DOK6: variants seen among roughly 807,000 people sequenced by gnomAD.
DOK6 encodes the protein docking protein 6, also known as downstream of tyrosine kinase 6.
Under a neutral mutation model 44.0 loss-of-function variants are expected in DOK6, and 22 were observed. The ratio of observed to expected loss-of-function variants is 0.50; its 90% CI spans 0.36 to 0.71. The LOEUF is 0.71. DOK6 is among the 30% of genes least tolerant of loss of function. The pLI is 0.00. For missense variants in DOK6, 340 were observed against 416.4 expected (o/e 0.82, Z 1.60); for synonymous variants, 166 against 145.5 (o/e 1.14, Z -1.01).
chr18:69,461,721 T>G (rs1435643303), intron 1 of DOK6, among the ~76,000 whole-genome samples: 1 of 152,226 alleles, frequency 6.6e-6, no homozygotes, highest in Non-Finnish European at 1.5e-5. Flanking sequence ...CCTCTAGTCA[T>G]AGTCCTATTG....
Position 69,757,804 on chromosome 18 carries a change from C to A in DOK6, c.787C>A (p.Leu263Ile). ...EPMTLSKSIS[L>I]PRSAYWHHIT... Reference sequence around the variant, plus strand: ...AATGACATTATCCAAATCAATATCTCTTCCTCGCAGCGCGTACTGGCATCA... The same window carrying A: ...AATGACATTATCCAAATCAATATCTATTCCTCGCAGCGCGTACTGGCATCA... The change falls in exon 7 of 8, where the codon CTT becomes ATT. Residue 263 changes from leucine (L) to isoleucine (I), a missense_variant. Coordinates refer to ENST00000382713, the MANE Select transcript of DOK6 (RefSeq NM_152721.6). The A allele has an allele frequency of 6.2e-7, 1 of 1,614,164 alleles. No homozygotes were observed.
chr18:69,744,455 TTTC>T (rs1378202828), intron 6 of DOK6, among the ~76,000 whole-genome samples: 8 of 151,900 alleles, frequency 5.3e-5, no homozygotes, highest in East Asian at 1.9e-4. Context: ...TGTGATTTTT[TTTC>T]TTTTTTTACT....
intron 7 of DOK6, among the ~76,000 whole-genome samples, chr18:69,824,190 C>T (rs1221237463): frequency 1.2e-3 from 27 of 22,872 alleles, no homozygotes; most frequent in South Asian, 5.1e-3. Flanking sequence ...TGCTATCCCT[C>T]CCCCCTCCCC....
intron 7 of DOK6, among the ~76,000 whole-genome samples, chr18:69,779,230 T>C (rs1439476728): frequency 1.3e-5 from 2 of 152,154 alleles, no homozygotes; most frequent in Non-Finnish European, 2.9e-5. Flanking sequence ...TTCCCATTTT[T>C]ACCCTCCTTT....
rs146325005 is a variant in DOK6, at chr18:69,837,549, G to A, written c.857-3695G>A. 3.4e-3 allele frequency among the ~76,000 whole-genome samples: 486 copies of A among 144,298 alleles called. 3 individuals carry two copies. The Middle Eastern group carries it at 0.043, about 13-fold the overall frequency. 94.7% of individuals were successfully genotyped at this position (144,298 alleles called of 152,430 possible). On this transcript the variant is annotated intron_variant, in intron 7 of 7. Coordinates refer to ENST00000382713, the MANE Select transcript of DOK6 (RefSeq NM_152721.6). ...GTGAGAGACAGCATGTTGAGATGGT[G>A]GAGAAAGCGCAGGTGTTCAGCAAAA... is the stretch of plus-strand genomic sequence containing the variant.
At chr18:69,471,250 CAAAAAAAAAAAAAAAAAA>C (rs71176969) in intron 1 of DOK6, among the ~76,000 whole-genome samples, 37 of 27,782 alleles carry the variant, frequency 1.3e-3, no homozygotes, top group Admixed American at 0.011. Flanking sequence ...AACTCCATCT[CAAAAAAAAAAAAAAAAAA>C]AAAAAAAAAA....
At position 69,755,459 on chromosome 18, in the gene DOK6, G is replaced by A. The variant is rs1353851954; in HGVS notation, c.739-2297G>A. Among the ~76,000 whole-genome samples the A allele has an allele frequency of 5.9e-5, 9 of 152,200 alleles. No homozygotes were observed. In the South Asian group the frequency reaches 1.5e-3, roughly 25 times the overall value. ...ATAAAGAGTAGACAGTAGGCAGAAC[G>A]GTGATTAATATGAGACTGAATCTAT... is the stretch of plus-strand genomic sequence containing the variant. On this transcript the variant is annotated intron_variant, in intron 6 of 7. Transcript: ENST00000382713.
chr18:69,751,804 G>C (rs141294604), intron 6 of DOK6, among the ~76,000 whole-genome samples: 302 of 151,850 alleles, frequency 2.0e-3, no homozygotes, highest in South Asian at 9.4e-3. Context: ...CAGGGTTCCA[G>C]AGCAGCCTGG....
intron 6 of DOK6, among the ~76,000 whole-genome samples, chr18:69,753,615 G>C (rs1301233434): frequency 2.6e-5 from 4 of 152,166 alleles, no homozygotes; most frequent in Non-Finnish European, 2.9e-5. Context: ...GAGAGAGTTA[G>C]AACCAAAAAT....
intron 4 of DOK6, among the ~76,000 whole-genome samples, chr18:69,687,569 C>G (rs924686719): frequency 6.6e-6 from 1 of 152,252 alleles, no homozygotes; most frequent in African/African-American, 2.4e-5. Context: ...GAAGTCCCAG[C>G]TACTCAGGAG....
intron 1 of DOK6, among the ~76,000 whole-genome samples, chr18:69,441,510 AT>A (rs1001658895): frequency 2.0e-5 from 3 of 152,146 alleles, no homozygotes; most frequent in African/African-American, 7.2e-5. Flanking sequence ...TTTGAAGTAT[AT>A]TTTTTGTAAA....
chr18:69,698,415 G>A lies in DOK6; in HGVS notation c.421G>A (p.Val141Met), dbSNP rs1203760352. 2.5e-6 allele frequency: 4 copies of A among 1,611,730 alleles called. No homozygotes were observed. Among genetic ancestry groups the A allele is most frequent in the Non-Finnish European group, 3.4e-6 (4 of 1,178,790 alleles). ...VQREQNERFN[V>M]YLMPTPNLDI... ...TCGTCTCTTCACAGAGAGATTCAAC[G>A]TGTATCTTATGCCTACACCAAACCT... Residue 141 changes from valine (V) to methionine (M), a missense_variant, in exon 5 of 8, where the codon GTG becomes ATG. Physicochemically the swap from Val to Met is conservative, Grantham distance 21. Transcript: ENST00000382713.
chr18:69,452,034 C>G (rs1979483139), intron 1 of DOK6, among the ~76,000 whole-genome samples: 1 of 149,722 alleles, frequency 6.7e-6, no homozygotes. Flanking sequence ...CATTCAAAAG[C>G]TAGCAGAAGG....
At chr18:69,589,792 A>G (rs1599209015) in intron 2 of DOK6, among the ~76,000 whole-genome samples, 1 of 152,260 alleles carries the variant, frequency 6.6e-6, no homozygotes, top group East Asian at 1.9e-4. Flanking sequence ...ATATATTCCA[A>G]ATTTTACCGA....
chr18:69,843,693 T>C lies in DOK6; in HGVS notation c.*2310T>C, dbSNP rs1017927215. Reference sequence around the variant, plus strand: ...TTTGGTTCTGATCATTACCAATGAATATAACTGAAGGAGCACCAAAGATCA... The same window carrying C: ...TTTGGTTCTGATCATTACCAATGAACATAACTGAAGGAGCACCAAAGATCA... On this transcript the variant is annotated 3_prime_UTR_variant, in exon 8 of 8. Transcript: ENST00000382713. 1.3e-5 allele frequency: 2 copies of C among 152,212 alleles called. No individual in the cohort carries two copies. Among genetic ancestry groups the C allele is most frequent in the African/African-American group, 4.8e-5 (2 of 41,454 alleles). 9.4% of individuals were successfully genotyped at this position (152,212 alleles called of 1,614,324 possible).
At chr18:69,490,045 T>C (rs146673880) in intron 1 of DOK6, among the ~76,000 whole-genome samples, 24 of 152,336 alleles carry the variant, frequency 1.6e-4, no homozygotes, top group African/African-American at 5.3e-4. Flanking sequence ...GACATGCCAA[T>C]TGTTCATAAG....
intron 3 of DOK6, among the ~76,000 whole-genome samples, chr18:69,625,020 T>C (rs1449494091): frequency 6.6e-6 from 1 of 152,128 alleles, no homozygotes; most frequent in Non-Finnish European, 1.5e-5. Flanking sequence ...ATATTGAAAG[T>C]TGAAACACAT....
chr18:69,653,389 AAC>A (rs1453912038), intron 3 of DOK6, among the ~76,000 whole-genome samples: 1 of 151,944 alleles, frequency 6.6e-6, no homozygotes, highest in Non-Finnish European at 1.5e-5. Flanking sequence ...GAGAAAAGGA[AAC>A]ACAGAGAACT....
At chr18:69,682,013 G>C (rs1421708477) in intron 4 of DOK6, among the ~76,000 whole-genome samples, 1 of 152,212 alleles carries the variant, frequency 6.6e-6, no homozygotes, top group Non-Finnish European at 1.5e-5. Context: ...CAGTGTCTCT[G>C]CTCATGAGTG....
Sources: allele counts gnomAD v4.1 joint callset (sites outside exome capture counted in the v4.1 genomes callset), GRCh38; gene constraint gnomAD v4.1.1; transcripts MANE v1.5; gene names NCBI Gene and HGNC (gene_info 2026-07-23, HGNC 2026-07-21).